The following TRIM16 variants were observed in gnomAD, a reference collection of about 807,000 sequenced individuals.
TRIM16 encodes the protein tripartite motif-containing protein 16.
Under a neutral mutation model 50.4 loss-of-function variants are expected in TRIM16, and 33 were observed. The observed-to-expected ratio is 0.65, with a 90% confidence interval of 0.50 to 0.88. TRIM16 has a LOEUF of 0.88. Among genes scored for constraint, TRIM16 ranks in the 40% least tolerant of loss-of-function variants. The probability of loss-of-function intolerance (pLI) is 0.00; values close to 1 mark genes in which losing one functional copy is unlikely to be tolerated. For missense variants in TRIM16, 581 were observed against 686.8 expected (o/e 0.85, Z 1.72); for synonymous variants, 229 against 270.7 (o/e 0.85, Z 1.51).
At chr17:15,662,993 A>C (rs1988309896) in intron 6 of TRIM16, among the ~76,000 whole-genome samples, 1 of 151,950 alleles carries the variant, frequency 6.6e-6, no homozygotes, top group Non-Finnish European at 1.5e-5. Context: ...GTTTCTTTAG[A>C]CTTGGGCTGG....
At chr17:15,678,841 G>T (rs1989055475) in intron 4 of TRIM16, among the ~76,000 whole-genome samples, 1 of 148,714 alleles carries the variant, frequency 6.7e-6, no homozygotes, top group South Asian at 2.1e-4. Flanking sequence ...AAGCTTCAAA[G>T]AAAAGAATAT....
In TRIM16 at chr17:15,660,814, T is replaced by C. The variant is rs548799365; in HGVS notation, c.-337-8868A>G. On this transcript the variant is annotated intron_variant, in intron 6 of 11. Coordinates refer to ENST00000649191, the MANE Select transcript of TRIM16 (RefSeq NM_001348119.1). The stretch of plus-strand genomic sequence containing the variant: ...TTGGGAGGCTGAGGCAGGAGAATGG[T>C]GTGAACCTGGGAGGCAGAGCTTGCA... Among the ~76,000 whole-genome samples the C allele has an allele frequency of 4.2e-4, 60 of 141,918 alleles. 1 individual carries two copies. Among genetic ancestry groups the C allele is most frequent in the Admixed American group, 4.0e-3 (53 of 13,102 alleles). 93.1% of individuals were successfully genotyped at this position (141,918 alleles called of 152,430 possible).
At chr17:15,648,168 G>C (rs1364664566) in intron 7 of TRIM16, among the ~76,000 whole-genome samples, 3 of 151,062 alleles carry the variant, frequency 2.0e-5, no homozygotes, top group Non-Finnish European at 4.4e-5. Flanking sequence ...AGAGCTTGCA[G>C]TGAGCCGAGA....
chr17:15,678,863 G>A (rs1989056548), intron 4 of TRIM16, among the ~76,000 whole-genome samples: 1 of 140,180 alleles, frequency 7.1e-6, no homozygotes, highest in Non-Finnish European at 1.5e-5. Flanking sequence ...TACGACTGGA[G>A]AAATGCAGAC....
chr17:15,672,343 G>C lies in TRIM16; in HGVS notation c.-338+4833C>G, dbSNP rs1322421388. 2.0e-5 allele frequency among the ~76,000 whole-genome samples: 3 copies of C among 149,216 alleles called. No individual in the cohort carries two copies. In the Admixed American group the frequency reaches 2.0e-4, roughly 10 times the overall value. ...TACCACAACCAAACAAACACACTGAGCTTTAGCTTAGGTTGTAAAAGGAGA... is the reference window on the plus strand; with the variant it reads ...TACCACAACCAAACAAACACACTGACCTTTAGCTTAGGTTGTAAAAGGAGA... On this transcript the variant is annotated intron_variant, in intron 6 of 11. Coordinates refer to ENST00000649191, the MANE Select transcript of TRIM16 (RefSeq NM_001348119.1).
Position 15,656,735 on chromosome 17 carries a change from T to G in TRIM16, c.-337-4789A>C, listed in dbSNP as rs147830315. On this transcript the variant is annotated intron_variant, in intron 6 of 11. Transcript: ENST00000649191. ...GTTCTACCTCTGAATGCCTTCTTTG[T>G]TTTTTATTTGGTTGGTTTGGTTTTT... is the stretch of plus-strand genomic sequence containing the variant. 1.7e-4 allele frequency among the ~76,000 whole-genome samples: 26 copies of G among 152,248 alleles called. No individual in the cohort carries two copies. In the East Asian group the frequency reaches 4.8e-3, roughly 28 times the overall value.
chr17:15,632,610 T>C lies in TRIM16; in HGVS notation c.914A>G (p.Asp305Gly), dbSNP rs1189906283. The C allele has an allele frequency of 6.2e-7, 1 of 1,613,904 alleles. No individual in the cohort carries two copies. The highest frequency in any genetic ancestry group is 2.2e-5 in the East Asian group (1 of 44,892). Residue 305 changes from aspartate to glycine, a missense_variant, in exon 10 of 12, where the codon GAT (aspartate) becomes GGT (glycine). Physicochemically the swap from Asp to Gly is moderately conservative, Grantham distance 94. Coordinates refer to ENST00000649191, the MANE Select transcript of TRIM16 (RefSeq NM_001348119.1). ...TFPSVYVGLK[D>G]KLSGIRKVIT... ...AACTTTGCGGATGCCCGAGAGTTTA[T>C]CCTTCAGCCCTACGTAAACACTAGG...
rs200503487 is a variant in TRIM16 at position 15,631,724 on chromosome 17, C to G, written c.1016-10G>C. On this transcript the variant is annotated splice_polypyrimidine_tract_variant and intron_variant, in intron 10 of 11. Coordinates refer to ENST00000649191, the MANE Select transcript of TRIM16 (RefSeq NM_001348119.1). The stretch of plus-strand genomic sequence containing the variant: ...CTGATGTCATACTCCTCTAGAAAAT[C>G]AAGAGAGTTGTGAATGCACACCTGT... 2.4e-5 allele frequency: 38 copies of G among 1,613,710 alleles called. No homozygotes were observed. The highest frequency in any genetic ancestry group is 3.0e-5 in the Non-Finnish European group (35 of 1,179,792).
chr17:15,674,317 C>T (rs1988837882), intron 6 of TRIM16, among the ~76,000 whole-genome samples: 1 of 151,628 alleles, frequency 6.6e-6, no homozygotes, highest in African/African-American at 2.4e-5. Context: ...TCACAGTGAG[C>T]TGAGATCATG....
rs1477722894 is a variant in TRIM16 at position 15,637,362 on chromosome 17, C to G, written c.616-1093G>C. 1.1e-3 allele frequency among the ~76,000 whole-genome samples: 124 copies of G among 111,100 alleles called. 7 individuals carry two copies. The highest frequency in any genetic ancestry group is 1.0e-3 in the Non-Finnish European group (58 of 55,348). The allele number at this position is 111,100 out of a possible 152,430, so 72.9% of individuals were successfully genotyped here. On this transcript the variant is annotated intron_variant, in intron 8 of 11. Transcript: ENST00000649191. ...GAGGGAGATGGGGGGGTCAGCCCCC[C>G]TACCCGGCCAGCCGCCCCGTCCGGG...
At chr17:15,666,878 T>C (rs1310195456) in intron 6 of TRIM16, among the ~76,000 whole-genome samples, 1 of 152,262 alleles carries the variant, frequency 6.6e-6, no homozygotes, top group East Asian at 1.9e-4. Flanking sequence ...CCCATCCTTT[T>C]ACCAGCCTAC....
At chr17:15,661,193 T>C (rs1988222053) in intron 6 of TRIM16, among the ~76,000 whole-genome samples, 1 of 152,238 alleles carries the variant, frequency 6.6e-6, no homozygotes, top group Admixed American at 6.5e-5. Flanking sequence ...ATGTAGTATC[T>C]GCTCCAATAA....
At chr17:15,665,386 G>A (rs1173252490) in intron 6 of TRIM16, among the ~76,000 whole-genome samples, 2 of 152,238 alleles carry the variant, frequency 1.3e-5, no homozygotes, top group South Asian at 2.1e-4. Flanking sequence ...GTGGGTGCCT[G>A]TAGTCCCAGC....
chr17:15,682,833 C>T (rs1989236670), intron 3 of TRIM16, 21 bp downstream of exon 3: 2 of 1,407,256 alleles, frequency 1.4e-6, no homozygotes, highest in Non-Finnish European at 1.8e-6. Flanking sequence ...GTAAAATCAC[C>T]ACCATTCTTC....
Position 15,680,902 on chromosome 17 carries a change from T to A in TRIM16, c.-627A>T. 6.5e-7 allele frequency: 1 copy of A among 1,547,014 alleles called. No individual in the cohort carries two copies. Among genetic ancestry groups the A allele is most frequent in the Non-Finnish European group, 8.7e-7 (1 of 1,146,154 alleles). On this transcript the variant is annotated 5_prime_UTR_variant, in exon 4 of 12. The change creates a premature stop within an existing upstream ORF in the 5' untranslated region. Transcript: ENST00000649191. The stretch of plus-strand genomic sequence containing the variant: ...TGTCCGGCAAAGAGCAGCCATATTT[T>A]CCTTCTTAAGATACCCCTTTTGGGA...
chr17:15,655,579 CT>C (rs796123712), intron 6 of TRIM16, among the ~76,000 whole-genome samples: 127 of 146,482 alleles, frequency 8.7e-4, no homozygotes, highest in East Asian at 1.2e-3. Context: ...TGATCTCTCT[CT>C]TTTTTTTTTT....
intron 4 of TRIM16, among the ~76,000 whole-genome samples, chr17:15,679,765 G>A (rs1181027209): frequency 1.3e-5 from 2 of 151,972 alleles, no homozygotes; most frequent in Non-Finnish European, 2.9e-5. Context: ...GTGAAACCCT[G>A]TCTCTACTAA....
At chr17:15,631,263 A>G (rs985302531) in intron 11 of TRIM16, among the ~76,000 whole-genome samples, 1 of 152,240 alleles carries the variant, frequency 6.6e-6, no homozygotes, top group Non-Finnish European at 1.5e-5. Flanking sequence ...GCATTGATGA[A>G]AGACTTGGTG....
chr17:15,657,312 C>T (rs577527693), intron 6 of TRIM16, among the ~76,000 whole-genome samples: 146 of 151,822 alleles, frequency 9.6e-4, no homozygotes, highest in African/African-American at 3.5e-3. Flanking sequence ...TCACAGCTCA[C>T]GGCAGCCTTG....
Sources: gnomAD v4.1 joint callset for allele counts (sites outside exome capture counted in the v4.1 genomes callset) on GRCh38, gnomAD v4.1.1 for gene constraint, MANE v1.5 for transcripts, NCBI Gene and HGNC (gene_info 2026-07-23, HGNC 2026-07-21) for gene names.